The following ARHGEF9 variants were observed in gnomAD, a reference collection of about 807,000 sequenced individuals.
The protein encoded by ARHGEF9 is rho guanine nucleotide exchange factor 9.
A neutral mutation model predicts 41.3 loss-of-function variants in ARHGEF9; 2 were observed. The ratio of observed to expected loss-of-function variants is 0.05; its 90% CI spans 0.02 to 0.15. The LOEUF (loss-of-function observed/expected upper bound fraction) is 0.15, where lower values mean the gene tolerates loss of function less well. Among genes scored for constraint, ARHGEF9 ranks in the 10% least tolerant of loss-of-function variants. The probability of loss-of-function intolerance (pLI) is 1.00; values close to 1 mark genes in which losing one functional copy is unlikely to be tolerated. For missense variants in ARHGEF9, 225 were observed against 424.7 expected (o/e 0.53, Z 4.13); for synonymous variants, 160 against 154.4 (o/e 1.04, Z -0.27).
chrX:63,696,293 T>C (rs2051743839), intron 4 of ARHGEF9, among the ~76,000 whole-genome samples: 2 of 111,901 alleles, frequency 1.8e-5, no homozygotes, highest in Non-Finnish European at 3.8e-5. Context: ...TAAAAATAAA[T>C]ACTTTATTAA....
chrX:63,635,201 A>G lies in ARHGEF9; in HGVS notation c.*2827T>C, dbSNP rs1196396340. 2.6e-6 allele frequency: 1 copy of G among 391,833 alleles called. No individual in the cohort carries two copies. Among genetic ancestry groups the G allele is most frequent in the African/African-American group, 2.7e-5 (1 of 36,889 alleles). 32.3% of individuals were successfully genotyped at this position (391,833 alleles called of 1,213,427 possible). ...CACCCCATCCCCAAAGCACTAAAAG[A>G]TCACTATTTGGCTTCACACTAGAAT... On this transcript the variant is annotated 3_prime_UTR_variant, in exon 10 of 10. Transcript: ENST00000671741.
intron 8 of ARHGEF9, among the ~76,000 whole-genome samples, chrX:63,651,640 G>T (rs1454540141): frequency 1.8e-5 from 2 of 110,777 alleles, no homozygotes; most frequent in Non-Finnish European, 3.8e-5. Context: ...TTATAGTTTG[G>T]ATGGCAAGAG....
intron 1 of ARHGEF9, chrX:63,755,794 T>C (rs2055911088): frequency 2.8e-6 from 2 of 725,811 alleles, no homozygotes; most frequent in Non-Finnish European, 3.3e-6. Flanking sequence ...ATTTCCAAAA[T>C]CCAATTCTAT....
chrX:63,708,486 C>A (rs2052702631), intron 2 of ARHGEF9, among the ~76,000 whole-genome samples: 2 of 112,267 alleles, frequency 1.8e-5, no homozygotes, highest in Non-Finnish European at 3.8e-5. Flanking sequence ...TCAAGCTATA[C>A]ACCATGACAC....
intron 2 of ARHGEF9, among the ~76,000 whole-genome samples, chrX:63,723,190 C>T (rs2053740062): frequency 9.0e-6 from 1 of 111,328 alleles, no homozygotes; most frequent in Admixed American, 9.5e-5. Context: ...ATCTGTCTAG[C>T]ACTGTGCTAG....
At chrX:63,704,713 T>C (rs1296073815) in intron 3 of ARHGEF9, among the ~76,000 whole-genome samples, 30 of 112,395 alleles carry the variant, frequency 2.7e-4, no homozygotes, top group African/African-American at 9.0e-4. Flanking sequence ...ATGAAGCCCA[T>C]TGGAAAAATA....
chrX:63,751,389 T>C (rs1221424190), intron 1 of ARHGEF9, among the ~76,000 whole-genome samples: 2 of 111,266 alleles, frequency 1.8e-5, no homozygotes, highest in Non-Finnish European at 3.8e-5. Flanking sequence ...TGGGCTGCAT[T>C]TCTCATTTTC....
intron 3 of ARHGEF9, among the ~76,000 whole-genome samples, chrX:63,700,345 C>T (rs2052072384): frequency 9.0e-6 from 1 of 111,622 alleles, no homozygotes; most frequent in South Asian, 3.8e-4. Flanking sequence ...TGGAGTCTTG[C>T]TTTTTTTATC....
At chrX:63,684,532 G>A (rs190673780) in intron 4 of ARHGEF9, among the ~76,000 whole-genome samples, 2 of 110,920 alleles carry the variant, frequency 1.8e-5, no homozygotes, top group African/African-American at 6.5e-5. Context: ...TTGAGTATAT[G>A]CCCAAAGGAA....
intron 3 of ARHGEF9, among the ~76,000 whole-genome samples, chrX:63,700,069 C>G (rs2052046124): frequency 9.0e-6 from 1 of 111,632 alleles, no homozygotes. Context: ...GAAAATGCAG[C>G]TATAAGAAGG....
At chrX:63,724,818 G>C in intron 1 of ARHGEF9, 107 bp from the exon 2 acceptor site, 1 of 815,473 alleles carries the variant, frequency 1.2e-6, no homozygotes, top group Non-Finnish European at 1.8e-6. Flanking sequence ...ATACTCAAGT[G>C]GTGAGAGATA....
chrX:63,777,446 G>A (rs1238833229), intron 1 of ARHGEF9, among the ~76,000 whole-genome samples: 1 of 110,414 alleles, frequency 9.1e-6, no homozygotes, highest in Non-Finnish European at 1.9e-5. Flanking sequence ...TCCACCACCG[G>A]CCCCTCCCAA....
intron 2 of ARHGEF9, among the ~76,000 whole-genome samples, chrX:63,712,433 AT>A (rs1388920754): frequency 8.9e-6 from 1 of 111,835 alleles, no homozygotes; most frequent in Non-Finnish European, 1.9e-5. Context: ...ATAGAATACT[AT>A]TATTATTGGA....
chrX:63,769,709 C>A (rs1556453584), intron 1 of ARHGEF9, among the ~76,000 whole-genome samples: 1 of 112,319 alleles, frequency 8.9e-6, no homozygotes, highest in Non-Finnish European at 1.9e-5. Flanking sequence ...ATAAAAGGGG[C>A]CAAGGTACAG....
At chrX:63,754,238 C>G in intron 1 of ARHGEF9, 1 of 1,121,128 alleles carries the variant, frequency 8.9e-7, no homozygotes, top group Non-Finnish European at 1.2e-6. Flanking sequence ...AAGCAATAGG[C>G]AACTATACGC....
chrX:63,721,802 C>A (rs1556413847), intron 2 of ARHGEF9, among the ~76,000 whole-genome samples: 1 of 110,718 alleles, frequency 9.0e-6, no homozygotes, highest in African/African-American at 3.3e-5. Flanking sequence ...ACCTTACCAA[C>A]TACTGGGAAG....
At chrX:63,733,671 G>A (rs1465983825) in intron 1 of ARHGEF9, among the ~76,000 whole-genome samples, 1 of 111,946 alleles carries the variant, frequency 8.9e-6, no homozygotes, top group African/African-American at 3.2e-5. Context: ...TGTGATTTGT[G>A]AGTCATTACA....
intron 1 of ARHGEF9, among the ~76,000 whole-genome samples, chrX:63,726,061 A>G (rs782330348): frequency 8.9e-6 from 1 of 112,229 alleles, no homozygotes; most frequent in South Asian, 3.7e-4. Context: ...ACACACATAC[A>G]CACATGCTGA....
chrX:63,699,137 G>A (rs1556392372), intron 3 of ARHGEF9, among the ~76,000 whole-genome samples: 1 of 111,715 alleles, frequency 9.0e-6, no homozygotes, highest in Non-Finnish European at 1.9e-5. Context: ...TAGCTACAAT[G>A]GAGCAGGGAG....
Sources: gnomAD v4.1 joint callset for allele counts (sites outside exome capture counted in the v4.1 genomes callset) on GRCh38, gnomAD v4.1.1 for gene constraint, MANE v1.5 for transcripts, NCBI Gene and HGNC (gene_info 2026-07-23, HGNC 2026-07-21) for gene names.